Variants in KCNB2 observed in about 807,000 individuals in gnomAD.
KCNB2 encodes the protein delayed rectifier potassium channel protein.
A neutral mutation model predicts 61.5 loss-of-function variants in KCNB2; 15 were observed. The ratio of observed to expected loss-of-function variants is 0.24; its 90% CI spans 0.16 to 0.38. The LOEUF (loss-of-function observed/expected upper bound fraction) is 0.38. Among genes scored for constraint, KCNB2 ranks in the 10% least tolerant of loss-of-function variants. The pLI is 1.00. For synonymous variants in KCNB2, 457 were observed against 446.0 expected (o/e 1.02, Z -0.31); for missense variants, 828 against 1,125.2 (o/e 0.74, Z 3.78).
At chr8:72,709,972 AG>A (rs558525246) in intron 2 of KCNB2, among the ~76,000 whole-genome samples, 99 of 152,276 alleles carry the variant, frequency 6.5e-4, no homozygotes, top group Non-Finnish European at 1.3e-3. Context: ...GCTGTAAAGT[AG>A]GGGCTGTTGA....
At chr8:72,695,145 G>T (rs1437313511) in intron 2 of KCNB2, among the ~76,000 whole-genome samples, 2 of 152,106 alleles carry the variant, frequency 1.3e-5, no homozygotes, top group Non-Finnish European at 2.9e-5. Context: ...ATTAAGTAAA[G>T]AACAGTGTTT....
At chr8:72,669,166 A>G (rs1806523820) in intron 2 of KCNB2, among the ~76,000 whole-genome samples, 1 of 152,138 alleles carries the variant, frequency 6.6e-6, no homozygotes, top group Non-Finnish European at 1.5e-5. Context: ...ACCAGGCAGA[A>G]AGCTACCTGT....
intron 2 of KCNB2, chr8:72,881,824 A>G (rs1805711572): frequency 6.6e-6 from 1 of 151,804 alleles, no homozygotes. Flanking sequence ...CCCTTCAAGC[A>G]GGGGGAGGTC....
At chr8:72,698,167 C>T (rs1008407807) in intron 2 of KCNB2, among the ~76,000 whole-genome samples, 3 of 152,078 alleles carry the variant, frequency 2.0e-5, no homozygotes, top group African/African-American at 7.2e-5. Flanking sequence ...TTTCAGGATA[C>T]AAAATCAGTG....
At chr8:72,629,155 T>C (rs1373824765) in intron 2 of KCNB2, among the ~76,000 whole-genome samples, 1 of 152,196 alleles carries the variant, frequency 6.6e-6, no homozygotes, top group Non-Finnish European at 1.5e-5. Flanking sequence ...CAGAAATCCA[T>C]GTCTTCTGAA....
At chr8:72,919,561 C>A (rs1357037221) in intron 2 of KCNB2, among the ~76,000 whole-genome samples, 1 of 152,172 alleles carries the variant, frequency 6.6e-6, no homozygotes, top group Non-Finnish European at 1.5e-5. Flanking sequence ...CTCCCCTTTG[C>A]AGCTGATGAA....
chr8:72,547,177 C>A (rs1292703286), intron 1 of KCNB2, among the ~76,000 whole-genome samples: 1 of 152,202 alleles, frequency 6.6e-6, no homozygotes, highest in Non-Finnish European at 1.5e-5. Context: ...TTAGAACCTA[C>A]TGCTTATGAA....
chr8:72,799,269 A>G (rs1295666875), intron 2 of KCNB2, among the ~76,000 whole-genome samples: 1 of 152,138 alleles, frequency 6.6e-6, no homozygotes, highest in Non-Finnish European at 1.5e-5. Context: ...CAGCAAATCA[A>G]TGTTAGTTTT....
chr8:72,701,536 T>C (rs1249625628), intron 2 of KCNB2, among the ~76,000 whole-genome samples: 1 of 86,858 alleles, frequency 1.2e-5, no homozygotes, highest in Non-Finnish European at 2.4e-5. Context: ...CCTGTCCCTT[T>C]ATGTAGATTT....
intron 2 of KCNB2, among the ~76,000 whole-genome samples, chr8:72,895,744 A>G (rs547474984): frequency 6.6e-6 from 1 of 152,312 alleles, no homozygotes; most frequent in East Asian, 1.9e-4. Context: ...AACCTGTGAT[A>G]GAACACCTTA....
intron 2 of KCNB2, among the ~76,000 whole-genome samples, chr8:72,863,086 A>G (rs184699157): frequency 5.9e-5 from 9 of 152,294 alleles, no homozygotes; most frequent in African/African-American, 2.2e-4. Flanking sequence ...GTACAGTTTC[A>G]TTCTCTCAAA....
chr8:72,928,194 T>TC (rs1157510418), intron 2 of KCNB2, among the ~76,000 whole-genome samples: 143 of 144,428 alleles, frequency 9.9e-4, no homozygotes, highest in East Asian at 2.8e-3. Context: ...TTTCTTTCTT[T>TC]TTTTTTTTTT....
intron 2 of KCNB2, among the ~76,000 whole-genome samples, chr8:72,598,271 C>T (rs1216418868): frequency 1.2e-4 from 18 of 152,200 alleles, no homozygotes; most frequent in Admixed American, 1.2e-3. Flanking sequence ...TGGACTTCAT[C>T]ACTCAGATGC....
intron 1 of KCNB2, among the ~76,000 whole-genome samples, chr8:72,552,806 G>A (rs1246567919): frequency 1.3e-5 from 2 of 152,074 alleles, no homozygotes; most frequent in African/African-American, 4.8e-5. Context: ...TTGTACACAT[G>A]TAGAACACTT....
Position 72,563,841 on chromosome 8 carries a change from T to C in KCNB2, c.-93-3801T>C, listed in dbSNP as rs1806582924. On this transcript the variant is annotated intron_variant, in intron 1 of 2. Transcript: ENST00000523207. ...TCAACTGCTCAGGAACTTATGCCTT[T>C]GAGCCTGCACTCTTTATCAGGTAAC... Among the ~76,000 whole-genome samples the C allele has an allele frequency of 2.6e-5, 4 of 152,222 alleles. No individual in the cohort carries two copies. The South Asian group carries it at 8.3e-4, about 32-fold the overall frequency.
chr8:72,725,591 G>GTATGTA (rs1807631795), intron 2 of KCNB2, among the ~76,000 whole-genome samples: 3 of 51,950 alleles, frequency 5.8e-5, no homozygotes, highest in African/African-American at 1.9e-4. Context: ...ATATATGTAT[G>GTATGTA]TATATATATA....
intron 2 of KCNB2, among the ~76,000 whole-genome samples, chr8:72,712,119 A>G (rs1338377264): frequency 1.3e-5 from 2 of 152,268 alleles, no homozygotes; most frequent in Non-Finnish European, 1.5e-5. Context: ...ACCACTTTCT[A>G]TAAAAGAAAA....
At chr8:72,675,421 A>G (rs889757349) in intron 2 of KCNB2, among the ~76,000 whole-genome samples, 1 of 152,000 alleles carries the variant, frequency 6.6e-6, no homozygotes, top group Non-Finnish European at 1.5e-5. Flanking sequence ...CTAGAAGTCT[A>G]GGTGGTTGCA....
intron 2 of KCNB2, among the ~76,000 whole-genome samples, chr8:72,704,417 T>A (rs915409936): frequency 6.6e-6 from 1 of 152,088 alleles, no homozygotes; most frequent in Non-Finnish European, 1.5e-5. Flanking sequence ...CCCTAAAATT[T>A]TGCCAGGGGT....
Sources: allele counts gnomAD v4.1 joint callset (sites outside exome capture counted in the v4.1 genomes callset), GRCh38; gene constraint gnomAD v4.1.1; transcripts MANE v1.5; gene names NCBI Gene and HGNC (gene_info 2026-07-23, HGNC 2026-07-21).